The following TMX4 variants were observed in gnomAD, a reference collection of about 807,000 sequenced individuals.
TMX4 encodes the protein thioredoxin related transmembrane protein 4.
A neutral mutation model predicts 33.3 loss-of-function variants in TMX4; 23 were observed. The observed-to-expected ratio is 0.69, with a 90% CI of 0.50 to 0.98. The LOEUF (loss-of-function observed/expected upper bound fraction) is 0.98, where lower values mean the gene tolerates loss of function less well. TMX4 is among the 50% of genes least tolerant of loss of function. The probability of loss-of-function intolerance (pLI) is 0.00; values close to 1 mark genes in which losing one functional copy is unlikely to be tolerated. For synonymous variants in TMX4, 164 were observed against 161.5 expected (o/e 1.02, Z -0.12); for missense variants, 399 against 448.9 (o/e 0.89, Z 1.01).
intron 4 of TMX4, among the ~76,000 whole-genome samples, chr20:7,996,513 C>T (rs374925145): frequency 6.6e-6 from 1 of 152,184 alleles, no homozygotes; most frequent in Non-Finnish European, 1.5e-5. Context: ...CTAACAAGCA[C>T]TCCTCATATG....
At chr20:7,995,468 G>T (rs2050672183) in intron 5 of TMX4, among the ~76,000 whole-genome samples, 1 of 152,136 alleles carries the variant, frequency 6.6e-6, no homozygotes, top group South Asian at 2.1e-4. Flanking sequence ...TATAGCAGGG[G>T]TCTACTACTT....
At chr20:7,986,564 A>T (rs895441144) in intron 6 of TMX4, among the ~76,000 whole-genome samples, 1 of 152,214 alleles carries the variant, frequency 6.6e-6, no homozygotes, top group Non-Finnish European at 1.5e-5. Flanking sequence ...AAAGGTTTTT[A>T]AAAACTTTTT....
Position 8,019,493 on chromosome 20 carries a change from G to A in TMX4, c.121C>T (p.Pro41Ser), listed in dbSNP as rs908503360. Residue 41 changes from proline to serine, a missense_variant, in exon 1 of 8, where the codon CCC (proline) becomes TCC (serine). Physicochemically the swap from Pro to Ser is moderately conservative, Grantham distance 74. Transcript: ENST00000246024. The stretch of plus-strand genomic sequence containing the variant: ...AGCGTCCAGTTGGAGGCGGTCATGG[G>A]CTGGACCCGGCTCTGCTCCGGCGGC... ...ALPPEQSRVQPMTASNWTLVM... is the reference protein window; with the variant it reads ...ALPPEQSRVQSMTASNWTLVM... 15 of 1,511,376 alleles carry A rather than the reference G, an allele frequency of 9.9e-6. No individual in the cohort carries two copies. Among genetic ancestry groups the A allele is most frequent in the Middle Eastern group, 1.7e-4 (1 of 5,874 alleles). 93.6% of individuals were successfully genotyped at this position (1,511,376 alleles called of 1,614,324 possible).
In TMX4 at chr20:8,019,670, C is replaced by T; in HGVS notation, c.-57G>A. Reference sequence around the variant, plus strand: ...AGTGTGGGGAAGGGCAGCGGCCGGCCCGCAGCCTCGCTCGCCCGCCGGGTT... The same window carrying T: ...AGTGTGGGGAAGGGCAGCGGCCGGCTCGCAGCCTCGCTCGCCCGCCGGGTT... On this transcript the variant is annotated 5_prime_UTR_variant, in exon 1 of 8. Coordinates refer to ENST00000246024, the MANE Select transcript of TMX4 (RefSeq NM_021156.4). 6 of 1,265,846 alleles carry T rather than the reference C, an allele frequency of 4.7e-6. No individual in the cohort carries two copies. The highest frequency in any genetic ancestry group is 6.0e-6 in the Non-Finnish European group (6 of 1,001,660). The allele number at this position is 1,265,846 out of a possible 1,614,324, so 78.4% of individuals were successfully genotyped here.
At chr20:7,994,059 A>G (rs184361711) in intron 5 of TMX4, among the ~76,000 whole-genome samples, 2 of 152,280 alleles carry the variant, frequency 1.3e-5, no homozygotes, top group East Asian at 3.9e-4. Context: ...TGGTATTAAT[A>G]CTAGATAAAA....
chr20:7,998,338 TGTAA>T (rs1489418938), intron 4 of TMX4, among the ~76,000 whole-genome samples: 2 of 152,120 alleles, frequency 1.3e-5, no homozygotes, highest in Non-Finnish European at 2.9e-5. Context: ...ACCAGAAACT[TGTAA>T]GTTTTTATTA....
rs891307458 is a variant in TMX4, at chr20:8,019,628, G to C, written c.-15C>G. 7.5e-7 allele frequency: 1 copy of C among 1,332,230 alleles called. No individual in the cohort carries two copies. The highest frequency in any genetic ancestry group is 9.6e-7 in the Non-Finnish European group (1 of 1,040,992). The allele number at this position is 1,332,230 out of a possible 1,614,324, so 82.5% of individuals were successfully genotyped here. A position where few individuals can be genotyped will look rare whatever the true frequency, so the allele number is the denominator to read the frequency against. On this transcript the variant is annotated 5_prime_UTR_variant, in exon 1 of 8. Transcript: ENST00000246024. ...CCACCCGCCATGTTGGGCGCCGAGC[G>C]AGGCTTCTCGGCGGGGAGTGTGGGG...
At chr20:8,002,036 T>C (rs144572056) in intron 2 of TMX4, among the ~76,000 whole-genome samples, 1 of 152,272 alleles carries the variant, frequency 6.6e-6, no homozygotes, top group Non-Finnish European at 1.5e-5. Flanking sequence ...GAATAAGTAA[T>C]ATGAAATGAT....
chr20:7,998,359 C>G (rs941332329), intron 4 of TMX4, among the ~76,000 whole-genome samples: 1 of 152,024 alleles, frequency 6.6e-6, no homozygotes, highest in African/African-American at 2.4e-5. Flanking sequence ...ATTAATGAAT[C>G]CTTCTTCTCC....
At chr20:7,985,995 T>C (rs139514723) in intron 6 of TMX4, among the ~76,000 whole-genome samples, 12 of 152,296 alleles carry the variant, frequency 7.9e-5, no homozygotes, top group East Asian at 7.7e-4. Context: ...AACTCCATCA[T>C]TGACTCGCCT....
intron 4 of TMX4, among the ~76,000 whole-genome samples, chr20:7,999,273 A>C (rs1225136677): frequency 6.6e-6 from 1 of 152,184 alleles, no homozygotes; most frequent in African/African-American, 2.4e-5. Context: ...GTCAAGGCCA[A>C]AGCTATCCCC....
chr20:7,990,884 T>C (rs918609949), intron 5 of TMX4, among the ~76,000 whole-genome samples: 2 of 152,222 alleles, frequency 1.3e-5, no homozygotes, highest in African/African-American at 2.4e-5. Context: ...TAACAAAACA[T>C]AACCTTGCAG....
rs575310788 is a variant in TMX4, at chr20:7,978,451, A to G, written c.*3800T>C. On this transcript the variant is annotated 3_prime_UTR_variant, in exon 8 of 8. Coordinates refer to ENST00000246024, the MANE Select transcript of TMX4 (RefSeq NM_021156.4). ...AAAAATGACTTTTATCGTCTACCCC[A>G]AAGGTGTTTTTACAGGATGCAGGTT... 2.0e-5 allele frequency: 3 copies of G among 152,338 alleles called. No individual in the cohort carries two copies. In the East Asian group the frequency reaches 5.8e-4, roughly 29 times the overall value. 9.4% of individuals were successfully genotyped at this position (152,338 alleles called of 1,614,324 possible).
Position 7,982,447 on chromosome 20 carries a change from A to C in TMX4, c.854T>G (p.Leu285Trp). 6.2e-7 allele frequency: 1 copy of C among 1,614,052 alleles called. No individual in the cohort carries two copies. Among genetic ancestry groups the C allele is most frequent in the Non-Finnish European group, 8.5e-7 (1 of 1,180,004 alleles). ...TCTCTCCTCATCCACACCAGCAGCC[A>C]AGTTGTCCTCCTCCTCTTCTTCCTC... ...EAEEEEEEDN[L>W]AAGVDEERSE... Residue 285 changes from leucine (L) to tryptophan (W), a missense_variant, in exon 8 of 8, where the codon TTG becomes TGG. Transcript: ENST00000246024.
intron 2 of TMX4, among the ~76,000 whole-genome samples, chr20:8,007,697 T>C (rs1282548956): frequency 6.6e-6 from 1 of 152,156 alleles, no homozygotes; most frequent in Non-Finnish European, 1.5e-5. Context: ...CACATGGTGT[T>C]TGCTCTGCCT....
At chr20:7,991,013 G>C (rs748166407) in intron 5 of TMX4, among the ~76,000 whole-genome samples, 6 of 152,186 alleles carry the variant, frequency 3.9e-5, no homozygotes, top group Non-Finnish European at 7.3e-5. Context: ...GGCATGCTAT[G>C]TAAATCACAG....
At chr20:7,989,600 C>G (rs770767434) in intron 5 of TMX4, among the ~76,000 whole-genome samples, 2 of 152,128 alleles carry the variant, frequency 1.3e-5, no homozygotes, top group Non-Finnish European at 2.9e-5. Flanking sequence ...CTGCCATCTT[C>G]TGGTCTTTTA....
intron 5 of TMX4, among the ~76,000 whole-genome samples, chr20:7,988,405 T>G (rs768049014): frequency 6.6e-4 from 101 of 152,178 alleles, no homozygotes; most frequent in Non-Finnish European, 1.2e-3. Context: ...TCAATGCAAT[T>G]AAAAAACATA....
intron 4 of TMX4, among the ~76,000 whole-genome samples, chr20:7,996,594 A>C (rs1251561237): frequency 1.3e-5 from 2 of 152,122 alleles, no homozygotes; most frequent in Non-Finnish European, 2.9e-5. Context: ...CCTGGTGTCC[A>C]CCTGCATCCA....
Sources: allele counts gnomAD v4.1 joint callset (sites outside exome capture counted in the v4.1 genomes callset), GRCh38; gene constraint gnomAD v4.1.1; transcripts MANE v1.5; gene names NCBI Gene and HGNC (gene_info 2026-07-23, HGNC 2026-07-21).